PEAK1: variants seen among roughly 807,000 people sequenced by gnomAD.
The protein encoded by PEAK1 is pseudopodium enriched atypical kinase 1, also known as inactive tyrosine-protein kinase PEAK1.
PEAK1 carries 54 observed loss-of-function variants against 124.7 expected under a neutral mutation model. That is an observed-to-expected ratio of 0.43 (90% confidence interval 0.35 to 0.54). The LOEUF is 0.54. Among genes scored for constraint, PEAK1 ranks in the 20% least tolerant of loss-of-function variants. PEAK1 has a pLI of 0.01. For missense variants in PEAK1, 2,046 were observed against 2,134.5 expected, an observed-to-expected ratio of 0.96 and a Z score of 0.82; for synonymous variants, 719 against 760.0, an observed-to-expected ratio of 0.95 and a Z score of 0.89.
chr15:77,150,329 AG>A (rs1236695886), intron 8 of PEAK1, among the ~76,000 whole-genome samples: 1 of 152,144 alleles, frequency 6.6e-6, no homozygotes, highest in Non-Finnish European at 1.5e-5. Context: ...CTGTGACTTT[AG>A]GAAAAGCACT....
intron 8 of PEAK1, among the ~76,000 whole-genome samples, chr15:77,135,965 G>A (rs939148087): frequency 1.3e-5 from 2 of 152,170 alleles, no homozygotes; most frequent in South Asian, 2.1e-4. Flanking sequence ...AAAGATACCC[G>A]AAAATGTGGA....
At chr15:77,198,317 A>G in intron 6 of PEAK1, among the ~76,000 whole-genome samples, 1 of 152,338 alleles carries the variant, frequency 6.6e-6, no homozygotes, top group African/African-American at 2.4e-5. Flanking sequence ...TGTATTTATC[A>G]TATCATGTTT....
intron 1 of PEAK1, among the ~76,000 whole-genome samples, chr15:77,409,514 C>T (rs2072222699): frequency 6.6e-6 from 1 of 152,138 alleles, no homozygotes; most frequent in African/African-American, 2.4e-5. Flanking sequence ...CAGAAAGTAA[C>T]ATGCTCATGA....
intron 7 of PEAK1, among the ~76,000 whole-genome samples, chr15:77,171,884 T>C (rs1300645771): frequency 2.0e-5 from 3 of 152,194 alleles, no homozygotes; most frequent in Non-Finnish European, 4.4e-5. Context: ...TAATATTTTT[T>C]TCAAATCTTT....
downstream of PEAK1, chr15:77,104,807 G>A (rs1473560934): frequency 6.6e-6 from 1 of 152,190 alleles, no homozygotes. Flanking sequence ...TCTCTGACTT[G>A]TTTTCACAAG....
chr15:77,243,365 T>A (rs1039935285), intron 6 of PEAK1, among the ~76,000 whole-genome samples: 1 of 152,250 alleles, frequency 6.6e-6, no homozygotes, highest in Non-Finnish European at 1.5e-5. Context: ...GTTGTTTCCA[T>A]GGCAACTGCA....
rs557433468 is a variant in PEAK1 at position 77,155,115 on chromosome 15, G to T, written c.3331+3388C>A. The stretch of plus-strand genomic sequence containing the variant: ...GTTCCATTCTCCCTGTCACTTTCAG[G>T]TACACCAATCAGACGCAGATTTGGT... On this transcript the variant is annotated intron_variant, in intron 8 of 9. Coordinates refer to ENST00000682557, the MANE Select transcript of PEAK1 (RefSeq NM_001385026.1). 4 of 152,284 alleles carry T rather than the reference G, an allele frequency of 2.6e-5. No homozygotes were observed. In the East Asian group the frequency reaches 7.7e-4, roughly 29 times the overall value. 9.4% of individuals were successfully genotyped at this position (152,284 alleles called of 1,614,324 possible). A position where few individuals can be genotyped will look rare whatever the true frequency, so the allele number is the denominator to read the frequency against.
intron 1 of PEAK1, among the ~76,000 whole-genome samples, chr15:77,375,848 A>C (rs947171931): frequency 4.6e-5 from 7 of 151,886 alleles, no homozygotes; most frequent in African/African-American, 1.7e-4. Context: ...AACAAAAACA[A>C]ATTAGCCGGA....
At chr15:77,204,267 G>A (rs985828621) in intron 6 of PEAK1, among the ~76,000 whole-genome samples, 9 of 152,142 alleles carry the variant, frequency 5.9e-5, no homozygotes, top group Non-Finnish European at 8.8e-5. Flanking sequence ...GCAAGGATAT[G>A]GAGCAACAGA....
At chr15:77,250,093 T>C (rs2152923449) in intron 6 of PEAK1, among the ~76,000 whole-genome samples, 1 of 148,302 alleles carries the variant, frequency 6.7e-6, no homozygotes, top group East Asian at 2.0e-4. Context: ...ATGCCACAAG[T>C]AGAGGTTTAA....
chr15:77,388,468 C>G (rs1203163020), intron 1 of PEAK1, among the ~76,000 whole-genome samples: 1 of 152,088 alleles, frequency 6.6e-6, no homozygotes, highest in Non-Finnish European at 1.5e-5. Flanking sequence ...CTTAAACACT[C>G]CAAATAAAAG....
At chr15:77,124,884 G>GCCCT (rs1341814438) in intron 9 of PEAK1, among the ~76,000 whole-genome samples, 8 of 152,020 alleles carry the variant, frequency 5.3e-5, no homozygotes, top group African/African-American at 1.9e-4. Flanking sequence ...GATACAAAAG[G>GCCCT]CCCTTTCTTA....
At chr15:77,222,095 T>C (rs1398401880) in intron 6 of PEAK1, among the ~76,000 whole-genome samples, 1 of 152,102 alleles carries the variant, frequency 6.6e-6, no homozygotes, top group African/African-American at 2.4e-5. Context: ...TTTTTCTGAA[T>C]CACAGGAATT....
chr15:77,245,395 T>C (rs2060535498), intron 6 of PEAK1, among the ~76,000 whole-genome samples: 1 of 151,994 alleles, frequency 6.6e-6, no homozygotes, highest in Admixed American at 6.6e-5. Context: ...ACTCTTCTTG[T>C]ACCATTTCTT....
At chr15:77,258,387 T>C (rs573773946) in intron 5 of PEAK1, among the ~76,000 whole-genome samples, 3 of 152,328 alleles carry the variant, frequency 2.0e-5, no homozygotes, top group Admixed American at 2.0e-4. Context: ...TTTGTTGGTA[T>C]CCTCTTTTAT....
chr15:77,125,220 C>T (rs2052271788), intron 9 of PEAK1, among the ~76,000 whole-genome samples: 1 of 152,154 alleles, frequency 6.6e-6, no homozygotes, highest in African/African-American at 2.4e-5. Context: ...ATGGTCCCCG[C>T]CATGGAAAAG....
At position 77,180,880 on chromosome 15, in the gene PEAK1, T is replaced by TGAA. The variant is rs1567079658; in HGVS notation, c.1046_1047insTTC (p.Thr349_Glu350insSer). On this transcript the variant is annotated inframe_insertion, in exon 7 of 10. Transcript: ENST00000682557. ...TGGCTGTCTCAGAACGTGATTCTTC[T>TGAA]GTTAAAGAAGAATCTGGTGATGTGG... 6.2e-7 allele frequency: 1 copy of TGAA among 1,614,056 alleles called. No homozygotes were observed. Among genetic ancestry groups the TGAA allele is most frequent in the East Asian group, 2.2e-5 (1 of 44,854 alleles).
chr15:77,322,155 T>C (rs550897698), intron 2 of PEAK1, among the ~76,000 whole-genome samples: 14 of 152,160 alleles, frequency 9.2e-5, no homozygotes, highest in Admixed American at 7.2e-4. Flanking sequence ...TTTATGGCAT[T>C]AATGCCCACA....
intron 6 of PEAK1, among the ~76,000 whole-genome samples, chr15:77,188,972 G>A (rs1027953422): frequency 3.3e-5 from 5 of 152,052 alleles, no homozygotes; most frequent in Non-Finnish European, 5.9e-5. Context: ...AGGCCAAGGC[G>A]GGCAGATCAC....
Sources: gnomAD v4.1 joint callset for allele counts (sites outside exome capture counted in the v4.1 genomes callset) on GRCh38, gnomAD v4.1.1 for gene constraint, MANE v1.5 for transcripts, NCBI Gene and HGNC (gene_info 2026-07-23, HGNC 2026-07-21) for gene names.